Variants in FAM20C observed in about 807,000 individuals in gnomAD.
The protein encoded by FAM20C is extracellular serine/threonine protein kinase FAM20C.
A neutral mutation model predicts 51.5 loss-of-function variants in FAM20C; 40 were observed. That is an observed-to-expected ratio of 0.78 (90% CI 0.60 to 1.01). The LOEUF is 1.01. Ranked by LOEUF, FAM20C falls within the 50% of genes least tolerant of loss-of-function variation. The probability of loss-of-function intolerance (pLI) is 0.00; values close to 1 mark genes in which losing one functional copy is unlikely to be tolerated. For missense variants in FAM20C, 861 were observed against 844.7 expected (o/e 1.02, Z -0.24); for synonymous variants, 406 against 380.6 (o/e 1.07, Z -0.78).
chr7:228,806 G>A, intron 3 of FAM20C: 1 of 456,164 alleles, frequency 2.2e-6, no homozygotes, highest in Non-Finnish European at 4.4e-6. Context: ...GGCATGAGTG[G>A]GGTCCCGGGC....
At chr7:231,292 G>A (rs1014646396) in intron 3 of FAM20C, among the ~76,000 whole-genome samples, 4 of 152,192 alleles carry the variant, frequency 2.6e-5, no homozygotes, top group Non-Finnish European at 4.4e-5. Flanking sequence ...CGGGGTGGCC[G>A]GGGCGGGAGA....
chr7:228,593 G>A (rs1271190322), intron 3 of FAM20C: 1 of 456,276 alleles, frequency 2.2e-6, no homozygotes, highest in Non-Finnish European at 4.4e-6. Context: ...TCTGAGGGCA[G>A]CGTTTCCACA....
At chr7:256,224 A>G (rs1435618677) in intron 6 of FAM20C, 195 bp downstream of exon 6, 1 of 742,644 alleles carries the variant, frequency 1.3e-6, no homozygotes, top group African/African-American at 1.8e-5. Context: ...CAGTATTTCC[A>G]TGTGCTTCCC....
intron 3 of FAM20C, among the ~76,000 whole-genome samples, chr7:217,099 GC>G (rs1182619252): frequency 6.6e-6 from 1 of 152,168 alleles, no homozygotes; most frequent in Non-Finnish European, 1.5e-5. Context: ...GAGCGAAGGG[GC>G]CCAAGAGGAG....
At chr7:254,118 C>A (rs1184578694) in intron 5 of FAM20C, among the ~76,000 whole-genome samples, 1 of 148,848 alleles carries the variant, frequency 6.7e-6, no homozygotes, top group Non-Finnish European at 1.5e-5. Flanking sequence ...CCAGACCAGC[C>A]GGGACCTGCC....
chr7:206,708 C>T (rs1419636434), intron 2 of FAM20C, among the ~76,000 whole-genome samples: 1 of 134,256 alleles, frequency 7.4e-6, no homozygotes, highest in African/African-American at 2.9e-5. Flanking sequence ...TCCACTGTGA[C>T]GCGTCTGTCA....
intron 3 of FAM20C, among the ~76,000 whole-genome samples, chr7:211,594 C>G (rs1283417926): frequency 6.6e-6 from 1 of 152,182 alleles, no homozygotes; most frequent in Non-Finnish European, 1.5e-5. Flanking sequence ...TGTCAGGGCC[C>G]TGCCATCCCA....
chr7:212,500 C>T (rs539850207), intron 3 of FAM20C, among the ~76,000 whole-genome samples: 137 of 152,322 alleles, frequency 9.0e-4, no homozygotes, highest in Non-Finnish European at 1.6e-3. Flanking sequence ...ACTTTGCTCT[C>T]TGCGCTCATC....
At chr7:226,274 C>T (rs1052748230) in intron 3 of FAM20C, among the ~76,000 whole-genome samples, 8 of 152,234 alleles carry the variant, frequency 5.3e-5, no homozygotes, top group Admixed American at 2.0e-4. Flanking sequence ...GCCTCGTGAC[C>T]GGCTAAGCTG....
At chr7:243,941 A>ATTATTATTATTATT (rs1554254455) in intron 3 of FAM20C, among the ~76,000 whole-genome samples, 27 of 112,020 alleles carry the variant, frequency 2.4e-4, no homozygotes, top group South Asian at 1.0e-3. Context: ...TAATAATAAT[A>ATTATTATTATTATT]ATAATTATTA....
intron 3 of FAM20C, among the ~76,000 whole-genome samples, chr7:245,032 C>T (rs1788095059): frequency 1.3e-5 from 2 of 152,226 alleles, no homozygotes; most frequent in Non-Finnish European, 2.9e-5. Flanking sequence ...GGGACGTGGA[C>T]ATGACATACA....
At chr7:222,744 G>T (rs1291581002) in intron 3 of FAM20C, among the ~76,000 whole-genome samples, 1 of 152,176 alleles carries the variant, frequency 6.6e-6, no homozygotes, top group Admixed American at 6.5e-5. Context: ...TGCTGGGGGT[G>T]GGCATGAGCA....
In FAM20C at chr7:230,281, G is replaced by A. The variant is rs573788019; in HGVS notation, c.864-16134G>A. On this transcript the variant is annotated intron_variant, in intron 3 of 9. Transcript: ENST00000313766. ...GGAGCTCCTGGAGCCCCCAGAGCTG[G>A]GAGAGGCAAGAAGGATCCTCCCTAG... 1.7e-3 allele frequency among the ~76,000 whole-genome samples: 259 copies of A among 150,584 alleles called. 3 individuals are homozygous for A. The highest frequency in any genetic ancestry group is 5.9e-3 in the African/African-American group (243 of 41,016).
intron 2 of FAM20C, among the ~76,000 whole-genome samples, chr7:198,149 G>A (rs34426530): frequency 5.3e-5 from 8 of 152,240 alleles, no homozygotes; most frequent in South Asian, 2.1e-4. Context: ...GTGGGGACCC[G>A]TCCAAGGACA....
chr7:206,904 C>T (rs1298153659), intron 2 of FAM20C, among the ~76,000 whole-genome samples: 1 of 46,442 alleles, frequency 2.2e-5, no homozygotes, highest in African/African-American at 1.2e-4. Context: ...TGTGACGCGT[C>T]GGTCACTGTC....
At chr7:237,325 C>T (rs969567806) in intron 3 of FAM20C, among the ~76,000 whole-genome samples, 45 of 152,136 alleles carry the variant, frequency 3.0e-4, no homozygotes, top group Admixed American at 5.2e-4. Flanking sequence ...GGACAAAGGC[C>T]GAATCATCGG....
chr7:251,519 C>CA (rs748298637), intron 5 of FAM20C, among the ~76,000 whole-genome samples: 2,656 of 137,262 alleles, frequency 0.019, 74 homozygotes, highest in African/African-American at 0.065. Context: ...GACCCCGTCT[C>CA]AAAAAAAAAA....
At chr7:228,352 T>A (rs1446631987) in intron 3 of FAM20C, 2 of 412,316 alleles carry the variant, frequency 4.9e-6, no homozygotes, top group Non-Finnish European at 9.8e-6. Flanking sequence ...AGTCCTTAGA[T>A]CACAGGGGCT....
intron 5 of FAM20C, among the ~76,000 whole-genome samples, chr7:253,021 T>G (rs1323468689): frequency 2.0e-5 from 3 of 152,230 alleles, no homozygotes; most frequent in Non-Finnish European, 4.4e-5. Flanking sequence ...CGACACAGCC[T>G]GGACAGAAGG....
Sources: gnomAD v4.1 joint callset for allele counts (sites outside exome capture counted in the v4.1 genomes callset) on GRCh38, gnomAD v4.1.1 for gene constraint, MANE v1.5 for transcripts, NCBI Gene and HGNC (gene_info 2026-07-23, HGNC 2026-07-21) for gene names.